Variants in RPH3AL observed in about 807,000 individuals in gnomAD.
RPH3AL encodes rab effector Noc2.
In RPH3AL, 38 loss-of-function variants were observed where a neutral mutation model predicts 43.1. The ratio of observed to expected loss-of-function variants is 0.88; its 90% CI spans 0.68 to 1.15. RPH3AL has a LOEUF of 1.15. Ranked by LOEUF, RPH3AL falls within the 50% of genes most tolerant of loss-of-function variation. The pLI, the probability that RPH3AL is intolerant of heterozygous loss-of-function variation, is 0.00. For missense variants in RPH3AL, 462 were observed against 423.2 expected (o/e 1.09, Z -0.81); for synonymous variants, 189 against 176.3 (o/e 1.07, Z -0.57).
chr17:273,016 A>G (rs8074922), intron 6 of RPH3AL, among the ~76,000 whole-genome samples: 7,476 of 36,224 alleles, frequency 0.21, 386 homozygotes, highest in African/African-American at 0.26. Flanking sequence ...CGAGGGCGAC[A>G]TCAGGAAGAG....
chr17:241,055 CAATAATAAT>C (rs57086885), intron 7 of RPH3AL, among the ~76,000 whole-genome samples: 2,561 of 143,572 alleles, frequency 0.018, 95 homozygotes, highest in African/African-American at 0.061. Flanking sequence ...GACTCCATCT[CAATAATAAT>C]AATAATAATA....
chr17:323,474 C>CT lies in RPH3AL; in HGVS notation c.78-2060dup, dbSNP rs1289929594. Among the ~76,000 whole-genome samples the CT allele has an allele frequency of 1.3e-5, 2 of 152,162 alleles. No individual in the cohort carries two copies. Among genetic ancestry groups the CT allele is most frequent in the Non-Finnish European group, 2.9e-5 (2 of 68,018 alleles). Reference sequence around the variant, plus strand: ...AAAAGCAATATCCCCTCCACAACCCCTACCTACTGGTTTGTTCCATCTGAG... The same window carrying CT: ...AAAAGCAATATCCCCTCCACAACCCCTTACCTACTGGTTTGTTCCATCTGAG... On this transcript the variant is annotated intron_variant, in intron 3 of 9. Coordinates refer to ENST00000331302, the MANE Select transcript of RPH3AL (RefSeq NM_006987.4). The surrounding 1 kb of genome is among the most constrained non-coding windows in gnomAD (Gnocchi z 4.4).
At chr17:350,929 C>G (rs982597638) in intron 1 of RPH3AL, among the ~76,000 whole-genome samples, 1 of 152,180 alleles carries the variant, frequency 6.6e-6, no homozygotes. Flanking sequence ...ACTTCCCCGA[C>G]AACATTCCAG....
chr17:344,101 C>A (rs1367131607), intron 1 of RPH3AL, among the ~76,000 whole-genome samples: 4 of 132,336 alleles, frequency 3.0e-5, no homozygotes, highest in Admixed American at 1.5e-4. Flanking sequence ...TTGTCACCAT[C>A]ATATTCACCT....
chr17:299,366 C>T (rs1312260956), intron 5 of RPH3AL, among the ~76,000 whole-genome samples: 11 of 151,932 alleles, frequency 7.2e-5, no homozygotes, highest in South Asian at 6.2e-4. Flanking sequence ...CTCCCTCCCA[C>T]GGAAGGCAGG....
intron 1 of RPH3AL, among the ~76,000 whole-genome samples, chr17:347,727 T>C (rs930630475): frequency 1.3e-5 from 2 of 152,176 alleles, no homozygotes; most frequent in Non-Finnish European, 2.9e-5. Context: ...TTATCTCTAT[T>C]CAAGAACCGG....
intron 6 of RPH3AL, among the ~76,000 whole-genome samples, chr17:269,815 G>A (rs2042419643): frequency 1.3e-5 from 2 of 152,228 alleles, no homozygotes; most frequent in South Asian, 4.1e-4. Context: ...CAGCCTCTTG[G>A]ATCTCTCAGT....
chr17:266,447 C>T (rs951309000), intron 6 of RPH3AL, among the ~76,000 whole-genome samples: 14 of 152,200 alleles, frequency 9.2e-5, no homozygotes, highest in East Asian at 3.9e-4. Flanking sequence ...TGCAGGTGGC[C>T]GGCTGGCTCC....
chr17:304,316 G>T (rs933121505), intron 5 of RPH3AL, among the ~76,000 whole-genome samples: 2 of 151,864 alleles, frequency 1.3e-5, no homozygotes, highest in African/African-American at 4.8e-5. Context: ...TTCCAGGTGA[G>T]AGACCTGAAG....
chr17:317,834 G>T (rs948487477), intron 5 of RPH3AL, among the ~76,000 whole-genome samples: 1 of 152,112 alleles, frequency 6.6e-6, no homozygotes, highest in African/African-American at 2.4e-5. Context: ...CCAGTGGCCT[G>T]CATGTTCCAC....
intron 5 of RPH3AL, among the ~76,000 whole-genome samples, chr17:307,769 G>A (rs1474851069): frequency 6.6e-6 from 1 of 152,208 alleles, no homozygotes; most frequent in African/African-American, 2.4e-5. Flanking sequence ...TGGGGTGAAC[G>A]GAAGGGGCTC....
rs970718627 is a variant in RPH3AL, at chr17:344,661, T to G, written c.-213+8051A>C. On this transcript the variant is annotated intron_variant, in intron 1 of 9. Coordinates refer to ENST00000331302, the MANE Select transcript of RPH3AL (RefSeq NM_006987.4). ...CTGTTACATCATCACCATGTTCACC[T>G]CCATCAGTCATCATCACCACCATCA... Among the ~76,000 whole-genome samples, 5 of 131,724 alleles carry G rather than the reference T, an allele frequency of 3.8e-5. 1 individual carries two copies. Among genetic ancestry groups the G allele is most frequent in the African/African-American group, 1.3e-4 (5 of 38,262 alleles). The allele number at this position is 131,724 out of a possible 152,430, so 86.4% of individuals were successfully genotyped here. A position where few individuals can be genotyped will look rare whatever the true frequency, so the allele number is the denominator to read the frequency against.
intron 6 of RPH3AL, 43 bp from the exon 7 acceptor site, chr17:247,328 G>T: frequency 6.6e-7 from 1 of 1,510,654 alleles, no homozygotes; most frequent in Non-Finnish European, 8.9e-7. Context: ...GGACGCAGAG[G>T]AGCCTCCCCT....
intron 6 of RPH3AL, among the ~76,000 whole-genome samples, chr17:272,982 G>A (rs1164499170): frequency 4.8e-5 from 5 of 103,962 alleles, no homozygotes; most frequent in Admixed American, 9.9e-5. Context: ...CCCCAGCAAG[G>A]GCTACGTCAG....
chr17:252,079 C>G (rs781982673), intron 6 of RPH3AL, among the ~76,000 whole-genome samples: 1 of 151,588 alleles, frequency 6.6e-6, no homozygotes, highest in Non-Finnish European at 1.5e-5. Flanking sequence ...TCAGGTGATC[C>G]TCCCACCTCA....
chr17:219,308 C>T (rs2040892410), intron 8 of RPH3AL, among the ~76,000 whole-genome samples: 1 of 135,562 alleles, frequency 7.4e-6, no homozygotes, highest in African/African-American at 2.8e-5. Flanking sequence ...AGGCAATTCT[C>T]CTGTCTCAGC....
At chr17:299,530 C>T (rs1169047427) in intron 5 of RPH3AL, among the ~76,000 whole-genome samples, 1 of 152,200 alleles carries the variant, frequency 6.6e-6, no homozygotes, top group African/African-American at 2.4e-5. Flanking sequence ...GAAGAGCTGC[C>T]CCCCGTGTCC....
intron 5 of RPH3AL, among the ~76,000 whole-genome samples, chr17:285,665 C>T (rs2042889332): frequency 1.3e-5 from 2 of 152,180 alleles, no homozygotes; most frequent in East Asian, 1.9e-4. Flanking sequence ...CTCACGTGGC[C>T]GGTGGCTACC....
At chr17:343,791 T>C (rs2045178333) in intron 1 of RPH3AL, among the ~76,000 whole-genome samples, 1 of 152,142 alleles carries the variant, frequency 6.6e-6, no homozygotes, top group South Asian at 2.1e-4. Flanking sequence ...ACAGCCCCCA[T>C]GACAGAGTTA....
Sources: gnomAD v4.1 joint callset for allele counts (sites outside exome capture counted in the v4.1 genomes callset) on GRCh38, gnomAD v4.1.1 for gene constraint, Gnocchi (gnomAD v3.1) non-coding constraint, MANE v1.5 for transcripts, NCBI Gene and HGNC (gene_info 2026-07-23, HGNC 2026-07-21) for gene names.